Variants in ZBBX observed in about 807,000 individuals in gnomAD.
ZBBX encodes zinc finger B-box domain-containing protein 1.
Under a neutral mutation model 108.5 loss-of-function variants are expected in ZBBX, and 101 were observed. The ratio of observed to expected loss-of-function variants is 0.93; its 90% confidence interval spans 0.79 to 1.10. The LOEUF (loss-of-function observed/expected upper bound fraction) is 1.10. Ranked by LOEUF, ZBBX falls within the 50% of genes least tolerant of loss-of-function variation. The probability of loss-of-function intolerance (pLI) is 0.00; values close to 1 mark genes in which losing one functional copy is unlikely to be tolerated. For synonymous variants in ZBBX, 356 were observed against 323.4 expected, an observed-to-expected ratio of 1.10 and a Z score of -1.08; for missense variants, 1,009 against 941.4, an observed-to-expected ratio of 1.07 and a Z score of -0.94.
the ZBBX span, among the ~76,000 whole-genome samples, chr3:167,180,914 C>T: frequency 7.9e-5 from 12 of 152,232 alleles, no homozygotes; most frequent in African/African-American, 2.4e-4. Context: ...GTCAACATTC[C>T]CCATTTACCT....
At chr3:167,268,409 G>A (rs1431269071) in intron 20 of ZBBX, among the ~76,000 whole-genome samples, 1 of 151,852 alleles carries the variant, frequency 6.6e-6, no homozygotes, top group Non-Finnish European at 1.5e-5. Context: ...CGTTCCTACC[G>A]CAGATCAAAA....
At chr3:167,342,657 C>T (rs1248845688) in intron 9 of ZBBX, among the ~76,000 whole-genome samples, 1 of 151,640 alleles carries the variant, frequency 6.6e-6, no homozygotes, top group Non-Finnish European at 1.5e-5. Flanking sequence ...CACTAACTAC[C>T]ACTATTCTAA....
chr3:167,213,486 AAAAT>A, the ZBBX span, among the ~76,000 whole-genome samples: 1 of 152,194 alleles, frequency 6.6e-6, no homozygotes. Flanking sequence ...AAGTCAGAGA[AAAAT>A]AAAGAAAAAA....
chr3:167,361,581 T>G (rs1443856273), intron 6 of ZBBX, among the ~76,000 whole-genome samples: 1 of 152,198 alleles, frequency 6.6e-6, no homozygotes, highest in East Asian at 1.9e-4. Context: ...AATGTAGGCC[T>G]AATTATTCTC....
downstream of ZBBX, among the ~76,000 whole-genome samples, chr3:167,237,278 T>C (rs1372597319): frequency 5.3e-5 from 8 of 151,876 alleles, no homozygotes; most frequent in Non-Finnish European, 1.0e-4. Context: ...CTAAAACTAT[T>C]AAATAAAATT....
chr3:167,231,832 T>C, the ZBBX span, among the ~76,000 whole-genome samples: 1 of 151,820 alleles, frequency 6.6e-6, no homozygotes, highest in South Asian at 2.1e-4. Context: ...AATTTAAACT[T>C]TGTACAGTTG....
chr3:167,246,957 T>G (rs1721675708), intron 20 of ZBBX, among the ~76,000 whole-genome samples: 1 of 152,184 alleles, frequency 6.6e-6, no homozygotes, highest in South Asian at 2.1e-4. Flanking sequence ...AAAATTGGGT[T>G]TACCAAGAAC....
At position 167,305,735 on chromosome 3, in the gene ZBBX, TCTC is replaced by T; in HGVS notation, c.1630_1632del (p.Glu544del). On this transcript the variant is annotated inframe_deletion, in exon 17 of 22. Transcript: ENST00000675490. ...GATTCTTTGATGTCTTGAGATAATT[TCTC>T]CTCAATGGGAGCTTTTTCTAAATCT... The T allele has an allele frequency of 6.2e-7, 1 of 1,612,438 alleles. No individual in the cohort carries two copies. The highest frequency in any genetic ancestry group is 8.5e-7 in the Non-Finnish European group (1 of 1,179,384).
chr3:167,295,558 T>C (rs1207655232), intron 18 of ZBBX, among the ~76,000 whole-genome samples: 1 of 151,088 alleles, frequency 6.6e-6, no homozygotes, highest in Admixed American at 6.6e-5. Context: ...GGGATAGCAT[T>C]AGGAGAAATC....
At chr3:167,402,307 TG>T (rs1292288670) in intron 1 of ZBBX, among the ~76,000 whole-genome samples, 1 of 152,188 alleles carries the variant, frequency 6.6e-6, no homozygotes, top group Non-Finnish European at 1.5e-5. Flanking sequence ...AATAAAATCC[TG>T]ATAAGCTCCA....
At chr3:167,375,393 A>C (rs1242816837) in intron 2 of ZBBX, among the ~76,000 whole-genome samples, 1 of 152,078 alleles carries the variant, frequency 6.6e-6, no homozygotes, top group African/African-American at 2.4e-5. Flanking sequence ...GGAGTTCGAG[A>C]CCAGCCTGAC....
chr3:167,353,731 T>C (rs1237503206), intron 8 of ZBBX, among the ~76,000 whole-genome samples: 1 of 152,038 alleles, frequency 6.6e-6, no homozygotes, highest in Non-Finnish European at 1.5e-5. Context: ...AACAACTCTA[T>C]AAATTTACAA....
chr3:167,390,765 G>T (rs768471653), intron 1 of ZBBX, among the ~76,000 whole-genome samples: 2 of 152,048 alleles, frequency 1.3e-5, no homozygotes, highest in Non-Finnish European at 2.9e-5. Flanking sequence ...GTGAATGGGA[G>T]TTCACTCATG....
intron 1 of ZBBX, among the ~76,000 whole-genome samples, chr3:167,397,166 A>AAAAAAAAAAAAAAAAAAAAAAC (rs1748265803): frequency 6.7e-6 from 1 of 148,260 alleles, no homozygotes; most frequent in African/African-American, 2.5e-5. Context: ...AAAAAAAAAA[A>AAAAAAAAAAAAAAAAAAAAAAC]TCTGACTCCT....
intron 20 of ZBBX, among the ~76,000 whole-genome samples, chr3:167,264,374 A>G (rs1478812665): frequency 6.6e-6 from 1 of 151,572 alleles, no homozygotes; most frequent in Non-Finnish European, 1.5e-5. Flanking sequence ...TATCTTTTGT[A>G]TGTTTTTCAA....
At chr3:167,308,795 A>G (rs535897491) in intron 16 of ZBBX, among the ~76,000 whole-genome samples, 1 of 152,172 alleles carries the variant, frequency 6.6e-6, no homozygotes, top group Non-Finnish European at 1.5e-5. Context: ...ACTGGGGCCT[A>G]TTGAAGGGTG....
chr3:167,236,631 T>A (rs898354862), downstream of ZBBX, among the ~76,000 whole-genome samples: 2 of 151,784 alleles, frequency 1.3e-5, no homozygotes, highest in African/African-American at 4.8e-5. Flanking sequence ...ATATATCATC[T>A]TCCTTTGGGA....
intron 9 of ZBBX, among the ~76,000 whole-genome samples, chr3:167,338,484 T>C (rs1739958365): frequency 6.6e-6 from 1 of 151,618 alleles, no homozygotes; most frequent in Admixed American, 6.6e-5. Flanking sequence ...CAGCAATAAA[T>C]ATTAATAATC....
downstream of ZBBX, among the ~76,000 whole-genome samples, chr3:167,235,640 A>G (rs1444459418): frequency 1.3e-5 from 2 of 151,634 alleles, no homozygotes; most frequent in Non-Finnish European, 3.0e-5. Context: ...GTTACTATAC[A>G]TTTGAAGAAA....
Sources: gnomAD v4.1 joint callset for allele counts (sites outside exome capture counted in the v4.1 genomes callset) on GRCh38, gnomAD v4.1.1 for gene constraint, MANE v1.5 for transcripts, NCBI Gene and HGNC (gene_info 2026-07-23, HGNC 2026-07-21) for gene names.